CORO2A: variants seen among roughly 807,000 people sequenced by gnomAD.
The protein encoded by CORO2A is coronin 2A.
Under a neutral mutation model 62.4 loss-of-function variants are expected in CORO2A, and 47 were observed. That is an observed-to-expected ratio of 0.75 (90% CI 0.60 to 0.96). CORO2A has a LOEUF of 0.96. Among genes scored for constraint, CORO2A ranks in the 40% least tolerant of loss-of-function variants. The pLI is 0.00. For synonymous variants in CORO2A, 273 were observed against 268.9 expected (o/e 1.02, Z -0.15); for missense variants, 610 against 684.1 (o/e 0.89, Z 1.21).
At chr9:98,186,499 A>G (rs1461398273) in intron 1 of CORO2A, among the ~76,000 whole-genome samples, 1 of 152,222 alleles carries the variant, frequency 6.6e-6, no homozygotes, top group Non-Finnish European at 1.5e-5. Context: ...AAAAAGACTG[A>G]AAGTAAATGT....
At chr9:98,167,292 C>G (rs1159908162) in intron 1 of CORO2A, among the ~76,000 whole-genome samples, 3 of 151,942 alleles carry the variant, frequency 2.0e-5, no homozygotes, top group African/African-American at 7.3e-5. Flanking sequence ...TGGTGGCTGC[C>G]AGGGGCTGAG....
chr9:98,170,042 C>T (rs555883084), intron 1 of CORO2A, among the ~76,000 whole-genome samples: 4 of 152,160 alleles, frequency 2.6e-5, no homozygotes, highest in East Asian at 1.9e-4. Flanking sequence ...GTCTCTGTGC[C>T]GTAGCATTAG....
chr9:98,181,765 T>C (rs1228782750), intron 1 of CORO2A, among the ~76,000 whole-genome samples: 1 of 152,070 alleles, frequency 6.6e-6, no homozygotes, highest in Non-Finnish European at 1.5e-5. Context: ...CAGCTCAAAG[T>C]CCTTTCCTTA....
In CORO2A at chr9:98,160,577, A is replaced by G. The variant is rs180889108; in HGVS notation, c.1-2917T>C. 5.3e-5 allele frequency among the ~76,000 whole-genome samples: 8 copies of G among 152,344 alleles called. No homozygotes were observed. The East Asian group carries it at 1.5e-3, about 29-fold the overall frequency. ...CCCCTTGGAAAGAAACAACAAGGAC[A>G]AATGACCTCCCTAGGGTCTTGGCAA... On this transcript the variant is annotated intron_variant, in intron 1 of 11. Transcript: ENST00000375077.
chr9:98,149,534 G>A (rs1281291654), intron 2 of CORO2A, among the ~76,000 whole-genome samples: 1 of 152,258 alleles, frequency 6.6e-6, no homozygotes, highest in Non-Finnish European at 1.5e-5. Flanking sequence ...TTCTGGTAAG[G>A]ACTGCAGGGG....
At chr9:98,125,750 C>A (rs1341794890) in intron 11 of CORO2A, among the ~76,000 whole-genome samples, 7 of 131,108 alleles carry the variant, frequency 5.3e-5, no homozygotes, top group African/African-American at 1.7e-4. Flanking sequence ...CAGAGTCTCA[C>A]TCTGTTGCCC....
chr9:98,142,635 T>A (rs1827586535), intron 2 of CORO2A, among the ~76,000 whole-genome samples: 1 of 152,182 alleles, frequency 6.6e-6, no homozygotes, highest in Non-Finnish European at 1.5e-5. Context: ...GGAGGCAAAG[T>A]GCCCAGGAGC....
chr9:98,142,189 C>G lies in CORO2A; in HGVS notation c.202-4501G>C, dbSNP rs140259931. Reference sequence around the variant, plus strand: ...ACCAGGAATGGAGCCCACAGCTGCACTGTCTTATCCTGCACCTGTGGCAGG... The same window carrying G: ...ACCAGGAATGGAGCCCACAGCTGCAGTGTCTTATCCTGCACCTGTGGCAGG... On this transcript the variant is annotated intron_variant, in intron 2 of 11. Transcript: ENST00000375077. Among the ~76,000 whole-genome samples, 5 of 152,362 alleles carry G rather than the reference C, an allele frequency of 3.3e-5. No homozygotes were observed. The East Asian group carries it at 9.6e-4, about 29-fold the overall frequency.
chr9:98,187,636 T>A (rs1448830041), intron 1 of CORO2A, among the ~76,000 whole-genome samples: 4 of 151,880 alleles, frequency 2.6e-5, no homozygotes, highest in Non-Finnish European at 5.9e-5. Context: ...GAGGTGAGGG[T>A]CTCTCTGGGG....
At position 98,188,582 on chromosome 9, in the gene CORO2A, T is replaced by A. The variant is rs189903171; in HGVS notation, c.-1+3977A>T. Among the ~76,000 whole-genome samples, 254 of 152,180 alleles carry A rather than the reference T, an allele frequency of 1.7e-3. 1 individual carries two copies. Among genetic ancestry groups the A allele is most frequent in the African/African-American group, 6.0e-3 (249 of 41,504 alleles). On this transcript the variant is annotated intron_variant, in intron 1 of 11. Transcript: ENST00000375077. ...GAGTTCGAGTCCAGCCTGGCCAACATGGCGAAACACCGTCTCTACTGAAAA... is the reference window on the plus strand; with the variant it reads ...GAGTTCGAGTCCAGCCTGGCCAACAAGGCGAAACACCGTCTCTACTGAAAA...
At chr9:98,179,052 G>C (rs1253043435) in intron 1 of CORO2A, among the ~76,000 whole-genome samples, 1 of 152,126 alleles carries the variant, frequency 6.6e-6, no homozygotes, top group Admixed American at 6.5e-5. Context: ...TACTTTACTG[G>C]TCCTTTTACT....
chr9:98,134,419 G>T (rs1040056996), intron 4 of CORO2A, among the ~76,000 whole-genome samples: 16 of 152,168 alleles, frequency 1.1e-4, no homozygotes, highest in African/African-American at 3.9e-4. Context: ...TGTCCACCTG[G>T]AACCTCAGAA....
chr9:98,131,472 T>C (rs1287029598), intron 6 of CORO2A, among the ~76,000 whole-genome samples: 1 of 152,006 alleles, frequency 6.6e-6, no homozygotes, highest in Admixed American at 6.6e-5. Flanking sequence ...ATTATAGATA[T>C]GCACCACTGC....
intron 10 of CORO2A, chr9:98,127,076 C>T: frequency 1.8e-6 from 1 of 558,124 alleles, no homozygotes; most frequent in Non-Finnish European, 3.2e-6. Flanking sequence ...ACTGAAGCAG[C>T]CCCCAAACAC....
At chr9:98,128,884 G>A (rs1827366352) in intron 8 of CORO2A, among the ~76,000 whole-genome samples, 165 bp from the exon 9 acceptor site, 1 of 152,190 alleles carries the variant, frequency 6.6e-6, no homozygotes, top group African/African-American at 2.4e-5. Context: ...TTGGGAAATG[G>A]AGTTGAATTA....
chr9:98,129,892 T>TGAG lies in CORO2A; in HGVS notation c.871-5_871-3dup. On this transcript the variant is annotated splice_region_variant and splice_polypyrimidine_tract_variant and intron_variant, in intron 7 of 11. Coordinates refer to ENST00000375077, the MANE Select transcript of CORO2A (RefSeq NM_052820.4). ...GTAGTAGCGGATGTTGCCATCTCCC[T>TGAG]GAGGAGGAGGAGAAGGAAGAGGAGG... The TGAG allele has an allele frequency of 6.2e-7, 1 of 1,611,312 alleles. No individual in the cohort carries two copies. Among genetic ancestry groups the TGAG allele is most frequent in the Non-Finnish European group, 8.5e-7 (1 of 1,177,794 alleles).
At position 98,137,703 on chromosome 9, in the gene CORO2A, C is replaced by T; in HGVS notation, c.202-15G>A. On this transcript the variant is annotated splice_polypyrimidine_tract_variant and intron_variant, in intron 2 of 11. Transcript: ENST00000375077. ...AACTTCCCTGTCTGCAAGACAGTGCCCAGGAGGGTTGGGGAGGAGGTGGAT... is the reference window on the plus strand; with the variant it reads ...AACTTCCCTGTCTGCAAGACAGTGCTCAGGAGGGTTGGGGAGGAGGTGGAT... The T allele has an allele frequency of 5.6e-6, 9 of 1,593,030 alleles. No individual in the cohort carries two copies. Among genetic ancestry groups the T allele is most frequent in the Admixed American group, 1.7e-5 (1 of 60,006 alleles).
chr9:98,165,239 G>A (rs183107735), intron 1 of CORO2A, among the ~76,000 whole-genome samples: 2 of 152,302 alleles, frequency 1.3e-5, no homozygotes, highest in Admixed American at 1.3e-4. Context: ...GATGACAGGC[G>A]TGAGCCACCG....
chr9:98,125,959 C>A (rs1237005061), intron 11 of CORO2A, among the ~76,000 whole-genome samples: 1 of 151,538 alleles, frequency 6.6e-6, no homozygotes, highest in Non-Finnish European at 1.5e-5. Flanking sequence ...CTCAAGAGAT[C>A]CACCCGCCTT....
Sources: allele counts gnomAD v4.1 joint callset (sites outside exome capture counted in the v4.1 genomes callset), GRCh38; gene constraint gnomAD v4.1.1; transcripts MANE v1.5; gene names NCBI Gene and HGNC (gene_info 2026-07-23, HGNC 2026-07-21).